Variants in PDZD9 observed in about 807,000 individuals in gnomAD.
PDZD9 encodes PDZ domain-containing protein 9.
A neutral mutation model predicts 16.3 loss-of-function variants in PDZD9; 13 were observed. The observed-to-expected ratio is 0.80, with a 90% CI of 0.52 to 1.27. PDZD9 has a LOEUF of 1.27. Ranked by LOEUF, PDZD9 falls within the 50% of genes most tolerant of loss-of-function variation. PDZD9 has a pLI of 0.00. For missense variants in PDZD9, 288 were observed against 310.9 expected (o/e 0.93, Z 0.55); for synonymous variants, 120 against 111.0 (o/e 1.08, Z -0.51).
chr16:21,966,221 T>C, the PDZD9 span, among the ~76,000 whole-genome samples: 1 of 152,140 alleles, frequency 6.6e-6, no homozygotes, highest in East Asian at 1.9e-4. Flanking sequence ...TAAAACTCTT[T>C]GGTCTCTCTG....
chr16:21,980,241 T>G, downstream of PDZD9: 4 of 282,422 alleles, frequency 1.4e-5, no homozygotes, highest in East Asian at 6.7e-5. Flanking sequence ...TTGGGAAGCA[T>G]TAGGGAGCTC....
chr16:21,974,476 C>T, the PDZD9 span, among the ~76,000 whole-genome samples: 22 of 152,136 alleles, frequency 1.4e-4, no homozygotes, highest in African/African-American at 5.3e-4. Context: ...GTATGTTTAA[C>T]ACCATTTTGA....
chr16:21,981,169 T>G (rs1171332382), downstream of PDZD9, among the ~76,000 whole-genome samples: 1 of 152,218 alleles, frequency 6.6e-6, no homozygotes, highest in Non-Finnish European at 1.5e-5. Context: ...ATCTTAAGAT[T>G]TTCTTTACTC....
chr16:21,971,917 C>T, the PDZD9 span: 3 of 1,613,602 alleles, frequency 1.9e-6, no homozygotes, highest in Middle Eastern at 1.7e-4. Flanking sequence ...CTTAATCTGG[C>T]CCCAGGTGAA....
At chr16:21,976,215 C>G in the PDZD9 span, 3 of 1,613,846 alleles carry the variant, frequency 1.9e-6, no homozygotes, top group East Asian at 6.7e-5. Context: ...TCAAGGAAAC[C>G]TTTCCAACAC....
At chr16:21,961,663 TA>T in the PDZD9 span, among the ~76,000 whole-genome samples, 1 of 113,286 alleles carries the variant, frequency 8.8e-6, no homozygotes, top group Non-Finnish European at 1.7e-5. Flanking sequence ...TATATATATA[TA>T]TATATTTTAG....
At chr16:21,976,131 T>TGACCC in the PDZD9 span, 2 of 1,504,522 alleles carry the variant, frequency 1.3e-6, no homozygotes, top group Non-Finnish European at 1.9e-6. Context: ...ACTCTGGTAC[T>TGACCC]GACCACAGAT....
intron 2 of PDZD9, among the ~76,000 whole-genome samples, chr16:21,993,850 TA>T (rs1350313801): frequency 6.6e-6 from 1 of 152,128 alleles, no homozygotes; most frequent in African/African-American, 2.4e-5. Context: ...ACTTCAGTTT[TA>T]AAAGCACTTT....
the PDZD9 span, among the ~76,000 whole-genome samples, chr16:21,960,225 A>G: frequency 1.3e-5 from 2 of 151,796 alleles, no homozygotes; most frequent in Admixed American, 6.6e-5. Flanking sequence ...CGATGATCTT[A>G]TGTAGATCTT....
chr16:21,989,102 T>G (rs1474259807), intron 2 of PDZD9, among the ~76,000 whole-genome samples: 1 of 149,262 alleles, frequency 6.7e-6, no homozygotes, highest in Non-Finnish European at 1.5e-5. Context: ...CTAATTTTGT[T>G]TTTTTTTTTT....
At chr16:21,962,961 A>G in the PDZD9 span, 6 of 1,496,384 alleles carry the variant, frequency 4.0e-6, no homozygotes, top group South Asian at 1.3e-5. Context: ...AAGAAAAAAA[A>G]TTGCTGTCAA....
At chr16:21,987,940 T>C (rs1014681666) in intron 3 of PDZD9, among the ~76,000 whole-genome samples, 1 of 151,726 alleles carries the variant, frequency 6.6e-6, no homozygotes, top group African/African-American at 2.4e-5. Context: ...TTAGATGTTA[T>C]TGGGAAGGAC....
chr16:21,970,162 T>G, the PDZD9 span, among the ~76,000 whole-genome samples: 3 of 152,228 alleles, frequency 2.0e-5, no homozygotes, highest in Non-Finnish European at 4.4e-5. Context: ...TTATTCCCTT[T>G]TATGGCTCAA....
At chr16:21,968,565 A>G in the PDZD9 span, 160 of 1,450,076 alleles carry the variant, frequency 1.1e-4, 1 homozygote, top group East Asian at 3.6e-3. Flanking sequence ...CTGTACTTTT[A>G]TGTTTTTACA....
chr16:21,957,711 T>A, the PDZD9 span: 1 of 1,232,322 alleles, frequency 8.1e-7, no homozygotes, highest in Non-Finnish European at 1.1e-6. Context: ...TTAAACCAAA[T>A]AAGTTTATCC....
the PDZD9 span, chr16:21,962,297 T>C: frequency 1.3e-6 from 1 of 765,462 alleles, no homozygotes; most frequent in Non-Finnish European, 2.1e-6. Flanking sequence ...TTAAAAAAAT[T>C]TTGAATTTTA....
chr16:21,989,344 T>C (rs148833259), intron 2 of PDZD9, among the ~76,000 whole-genome samples: 187 of 152,352 alleles, frequency 1.2e-3, no homozygotes, highest in African/African-American at 3.7e-3. Context: ...CATTATATGA[T>C]GTTTTTGAGA....
chr16:21,962,972 A>C, the PDZD9 span: 4 of 1,454,098 alleles, frequency 2.8e-6, no homozygotes, highest in African/African-American at 1.4e-5. Context: ...TTGCTGTCAA[A>C]ATTTTTATTT....
At chr16:21,980,793 A>G, downstream of PDZD9, 1 of 1,455,474 alleles carries the variant, frequency 6.9e-7, no homozygotes, top group South Asian at 1.3e-5. Context: ...TGGGCAGTGT[A>G]TTATTCTTAT....
Sources: allele counts gnomAD v4.1 joint callset (sites outside exome capture counted in the v4.1 genomes callset), GRCh38; gene constraint gnomAD v4.1.1; transcripts MANE v1.5; gene names NCBI Gene and HGNC (gene_info 2026-07-23, HGNC 2026-07-21).